DNAJC1: variants seen among roughly 807,000 people sequenced by gnomAD.
DNAJC1 encodes DnaJ heat shock protein family (Hsp40) member C1, also known as dnaJ homolog subfamily C member 1.
DNAJC1 carries 58 observed loss-of-function variants against 76.6 expected under a neutral mutation model. The observed-to-expected ratio is 0.76, with a 90% CI of 0.61 to 0.94. The LOEUF is 0.94. Among genes scored for constraint, DNAJC1 ranks in the 40% least tolerant of loss-of-function variants. The pLI, the probability that DNAJC1 is intolerant of heterozygous loss-of-function variation, is 0.00. For missense variants in DNAJC1, 689 were observed against 677.3 expected (o/e 1.02, Z -0.19); for synonymous variants, 258 against 267.9 (o/e 0.96, Z 0.36).
intron 8 of DNAJC1, among the ~76,000 whole-genome samples, chr10:21,879,603 G>T (rs1445051798): frequency 6.6e-6 from 1 of 152,084 alleles, no homozygotes; most frequent in African/African-American, 2.4e-5. Context: ...CAGCCTGGGC[G>T]ACAGAGAGAG....
chr10:21,807,685 C>T (rs1218881954), intron 8 of DNAJC1, among the ~76,000 whole-genome samples: 1 of 152,126 alleles, frequency 6.6e-6, no homozygotes, highest in Non-Finnish European at 1.5e-5. Flanking sequence ...TTTTATCAAT[C>T]ATTCTATTTT....
chr10:21,786,463 T>TAGAGAGAGAGAGAGAG (rs1159399044), intron 9 of DNAJC1, among the ~76,000 whole-genome samples: 3 of 23,422 alleles, frequency 1.3e-4, no homozygotes, highest in African/African-American at 4.5e-4. Context: ...TATATATATA[T>TAGAGAGAGAGAGAGAG]AGAGAGAGAG....
At chr10:21,774,872 C>T (rs1365834755) in intron 9 of DNAJC1, among the ~76,000 whole-genome samples, 1 of 152,174 alleles carries the variant, frequency 6.6e-6, no homozygotes, top group Non-Finnish European at 1.5e-5. Context: ...GGATGAATTA[C>T]CTTAGAGAAT....
chr10:21,920,733 T>TA, intron 4 of DNAJC1, 65 bp downstream of exon 4: 1 of 1,461,682 alleles, frequency 6.8e-7, no homozygotes, highest in Non-Finnish European at 9.2e-7. Flanking sequence ...AGTTGAAAAA[T>TA]AAATGTCCAA....
At chr10:21,791,760 T>C (rs1026626185) in intron 9 of DNAJC1, among the ~76,000 whole-genome samples, 1 of 152,124 alleles carries the variant, frequency 6.6e-6, no homozygotes, top group Non-Finnish European at 1.5e-5. Context: ...GGCAAGATTA[T>C]AGCCATAAAC....
At chr10:21,793,292 C>A (rs945888768) in intron 9 of DNAJC1, among the ~76,000 whole-genome samples, 7 of 152,006 alleles carry the variant, frequency 4.6e-5, no homozygotes, top group Non-Finnish European at 7.4e-5. Flanking sequence ...GGCAACTGGG[C>A]GCTCCATCTC....
chr10:21,780,507 T>C (rs1834513652), intron 9 of DNAJC1, among the ~76,000 whole-genome samples: 1 of 152,174 alleles, frequency 6.6e-6, no homozygotes, highest in East Asian at 1.9e-4. Flanking sequence ...GCTTCATAAG[T>C]GAAGGAGAAA....
intron 8 of DNAJC1, among the ~76,000 whole-genome samples, chr10:21,827,548 A>T (rs115524000): frequency 0.035 from 5,313 of 151,998 alleles, 158 homozygotes; most frequent in African/African-American, 0.068. Flanking sequence ...CTGTTCCACA[A>T]CTCTCTCCTC....
chr10:21,825,505 T>C (rs1835232962), intron 8 of DNAJC1, among the ~76,000 whole-genome samples: 1 of 152,230 alleles, frequency 6.6e-6, no homozygotes, highest in Non-Finnish European at 1.5e-5. Flanking sequence ...GTAAGTGTTA[T>C]TTGTTTAGCA....
intron 8 of DNAJC1, among the ~76,000 whole-genome samples, chr10:21,830,955 T>TA (rs1225086894): frequency 6.6e-6 from 1 of 152,226 alleles, no homozygotes. Context: ...TTTATCTCTT[T>TA]AATCATTATA....
At chr10:21,988,287 T>C (rs893052174) in intron 1 of DNAJC1, among the ~76,000 whole-genome samples, 3 of 152,116 alleles carry the variant, frequency 2.0e-5, no homozygotes, top group Non-Finnish European at 4.4e-5. Context: ...TAAGTAAAAA[T>C]GTCTTTTTAA....
chr10:21,969,746 G>C (rs965841838), intron 1 of DNAJC1, among the ~76,000 whole-genome samples: 10 of 152,090 alleles, frequency 6.6e-5, no homozygotes, highest in African/African-American at 1.9e-4. Flanking sequence ...TGAATAGCAG[G>C]AACAGTGATT....
chr10:21,974,435 C>G (rs1460989479), intron 1 of DNAJC1, among the ~76,000 whole-genome samples: 1 of 152,048 alleles, frequency 6.6e-6, no homozygotes, highest in South Asian at 2.1e-4. Flanking sequence ...AATCCAGAGC[C>G]GATTAAGATG....
intron 8 of DNAJC1, among the ~76,000 whole-genome samples, chr10:21,880,939 G>C (rs1564815993): frequency 1.3e-5 from 2 of 152,210 alleles, no homozygotes; most frequent in African/African-American, 4.8e-5. Context: ...CATTTACATT[G>C]AAAATCTACT....
At chr10:21,869,691 G>T (rs985230491) in intron 8 of DNAJC1, among the ~76,000 whole-genome samples, 10 of 152,060 alleles carry the variant, frequency 6.6e-5, no homozygotes, top group African/African-American at 2.4e-4. Context: ...AAGTATGAGT[G>T]ACATTTTTGT....
intron 8 of DNAJC1, among the ~76,000 whole-genome samples, chr10:21,820,032 A>G (rs1471069558): frequency 6.6e-6 from 1 of 152,226 alleles, no homozygotes; most frequent in African/African-American, 2.4e-5. Flanking sequence ...GTCATGCACA[A>G]TTTTGAAGCA....
rs200217681 is a variant in DNAJC1, at chr10:21,756,757, T to C, written c.1597-2A>G. The C allele has an allele frequency of 2.5e-6, 4 of 1,612,824 alleles. No individual in the cohort carries two copies. The highest frequency in any genetic ancestry group is 1.3e-5 in the African/African-American group (1 of 75,042). On this transcript the variant is annotated splice_acceptor_variant, in intron 11 of 11. Transcript: ENST00000376980. LOFTEE classifies it high-confidence loss of function. The stretch of plus-strand genomic sequence containing the variant: ...CTTGTACCTAGCGATACAGTCTTCC[T>C]GTAGGAAGAAAAAAAGAGAGGTGAG...
intron 8 of DNAJC1, 144 bp from the exon 9 acceptor site, chr10:21,806,243 G>A: frequency 2.3e-6 from 2 of 882,320 alleles, no homozygotes; most frequent in African/African-American, 1.7e-5. Flanking sequence ...ATACTAAATT[G>A]TATCTAATAG....
At chr10:21,983,056 A>G (rs949751661) in intron 1 of DNAJC1, among the ~76,000 whole-genome samples, 1 of 152,186 alleles carries the variant, frequency 6.6e-6, no homozygotes, top group Non-Finnish European at 1.5e-5. Context: ...CTCTGTCTCA[A>G]AAACAAAGGA....
Sources: gnomAD v4.1 joint callset for allele counts (sites outside exome capture counted in the v4.1 genomes callset) on GRCh38, gnomAD v4.1.1 for gene constraint, MANE v1.5 for transcripts, NCBI Gene and HGNC (gene_info 2026-07-23, HGNC 2026-07-21) for gene names.